The following PARD3 variants were observed in gnomAD, a reference collection of about 807,000 sequenced individuals.
PARD3 encodes the protein par-3 family cell polarity regulator, also known as partitioning defective 3 homolog.
A neutral mutation model predicts 155.4 loss-of-function variants in PARD3; 75 were observed. The observed-to-expected ratio is 0.48, with a 90% CI of 0.40 to 0.58. The LOEUF (loss-of-function observed/expected upper bound fraction) is 0.58, where lower values mean the gene tolerates loss of function less well. PARD3 is among the 20% of genes least tolerant of loss of function. PARD3 has a pLI of 0.00. For missense variants in PARD3, 1,642 were observed against 1,721.7 expected (o/e 0.95, Z 0.82); for synonymous variants, 576 against 610.5 (o/e 0.94, Z 0.83).
rs147539486 is a variant in PARD3 at position 34,202,407 on chromosome 10, C to T, written c.3419+67250G>A. On this transcript the variant is annotated intron_variant, in intron 22 of 24. Coordinates refer to ENST00000374788, the MANE Select transcript of PARD3 (RefSeq NM_001184785.2). Reference sequence around the variant, plus strand: ...TAAAGACTTCTGAACATATTCATTACGTATACTTTCAACTTTTTACAGATA... The same window carrying T: ...TAAAGACTTCTGAACATATTCATTATGTATACTTTCAACTTTTTACAGATA... Among the ~76,000 whole-genome samples the T allele has an allele frequency of 7.7e-3, 1,167 of 152,254 alleles. 27 individuals are homozygous for T. Among genetic ancestry groups the T allele is most frequent in the African/African-American group, 0.027 (1,123 of 41,522 alleles).
Position 34,122,102 on chromosome 10 carries a change from C to A in PARD3, c.3541-2362G>T, listed in dbSNP as rs78823479. On this transcript the variant is annotated intron_variant, in intron 23 of 24. Coordinates refer to ENST00000374788, the MANE Select transcript of PARD3 (RefSeq NM_001184785.2). ...AAACACTACACCATTTCCTTTACACCCTCAAAAGAACCACATTTTCCTTTC... is the reference window on the plus strand; with the variant it reads ...AAACACTACACCATTTCCTTTACACACTCAAAAGAACCACATTTTCCTTTC... 1.5e-3 allele frequency among the ~76,000 whole-genome samples: 232 copies of A among 152,254 alleles called. 8 individuals are homozygous for A. The East Asian group carries it at 0.039, about 26-fold the overall frequency.
intron 20 of PARD3, 56 bp from the exon 21 acceptor site, chr10:34,284,301 G>C: frequency 9.5e-7 from 1 of 1,057,260 alleles, no homozygotes; most frequent in East Asian, 2.4e-5. Flanking sequence ...GCTTTCTTTT[G>C]TTTGTGGTAA....
At chr10:34,644,412 C>T (rs1287124894) in intron 2 of PARD3, among the ~76,000 whole-genome samples, 10 of 152,266 alleles carry the variant, frequency 6.6e-5, no homozygotes, top group Admixed American at 5.9e-4. Flanking sequence ...CTCTGAAATG[C>T]TATGACATTA....
intron 2 of PARD3, among the ~76,000 whole-genome samples, chr10:34,682,562 T>C (rs923043062): frequency 2.6e-5 from 4 of 152,138 alleles, no homozygotes; most frequent in African/African-American, 9.7e-5. Context: ...CTCGCTTGTT[T>C]TTAAATCCTC....
chr10:34,308,393 C>T (rs567740128), intron 20 of PARD3, among the ~76,000 whole-genome samples: 9 of 152,128 alleles, frequency 5.9e-5, no homozygotes, highest in African/African-American at 1.7e-4. Flanking sequence ...ACAGTAACAG[C>T]GGCACTGGGG....
chr10:34,776,751 G>A (rs749463708), intron 1 of PARD3, among the ~76,000 whole-genome samples: 9 of 147,376 alleles, frequency 6.1e-5, no homozygotes, highest in Non-Finnish European at 1.3e-4. Flanking sequence ...CCTCCCATCC[G>A]AATTCCACCA....
chr10:34,716,736 G>A (rs1284841122), intron 1 of PARD3, among the ~76,000 whole-genome samples: 1 of 151,836 alleles, frequency 6.6e-6, no homozygotes, highest in African/African-American at 2.4e-5. Flanking sequence ...GGGATTACAG[G>A]CATGCGCCAC....
intron 22 of PARD3, among the ~76,000 whole-genome samples, chr10:34,159,317 G>A (rs1222981472): frequency 6.6e-6 from 1 of 152,184 alleles, no homozygotes. Context: ...ATGAGTTGGT[G>A]TAAGTAGGGA....
intron 2 of PARD3, among the ~76,000 whole-genome samples, chr10:34,522,154 C>T (rs2082185907): frequency 6.6e-6 from 1 of 152,150 alleles, no homozygotes; most frequent in South Asian, 2.1e-4. Flanking sequence ...AGAGCCCCAT[C>T]TAATTACATA....
At chr10:34,677,535 A>G (rs898836907) in intron 2 of PARD3, among the ~76,000 whole-genome samples, 2 of 152,058 alleles carry the variant, frequency 1.3e-5, no homozygotes, top group African/African-American at 2.4e-5. Context: ...ACATATGAGG[A>G]CCAAAATAAG....
At chr10:34,219,631 G>T (rs527276447) in intron 22 of PARD3, among the ~76,000 whole-genome samples, 99 of 152,250 alleles carry the variant, frequency 6.5e-4, no homozygotes, top group Admixed American at 2.2e-3. Flanking sequence ...TAGTTTGCAG[G>T]TGTTTCGAAG....
chr10:34,811,921 C>T (rs971532775), intron 1 of PARD3, among the ~76,000 whole-genome samples: 1 of 152,230 alleles, frequency 6.6e-6, no homozygotes, highest in African/African-American at 2.4e-5. Flanking sequence ...TAGCACCGCA[C>T]TGTCCTCAGC....
chr10:34,609,811 C>T (rs2090751229), intron 2 of PARD3, among the ~76,000 whole-genome samples: 1 of 152,174 alleles, frequency 6.6e-6, no homozygotes, highest in Admixed American at 6.5e-5. Context: ...AAAGTGCGCC[C>T]AGCCTCTTAC....
At chr10:34,707,224 G>A (rs2133592080) in intron 1 of PARD3, among the ~76,000 whole-genome samples, 1 of 150,270 alleles carries the variant, frequency 6.7e-6, no homozygotes, top group African/African-American at 2.5e-5. Flanking sequence ...CAGTCTGGGT[G>A]ACAGAGTGAG....
chr10:34,724,747 AG>A (rs2094670129), intron 1 of PARD3, among the ~76,000 whole-genome samples: 1 of 152,272 alleles, frequency 6.6e-6, no homozygotes, highest in Non-Finnish European at 1.5e-5. Context: ...CTCTGGGGAT[AG>A]GTCAAGTCAG....
At chr10:34,737,189 A>G (rs757034968) in intron 1 of PARD3, among the ~76,000 whole-genome samples, 5 of 152,138 alleles carry the variant, frequency 3.3e-5, no homozygotes, top group African/African-American at 4.8e-5. Context: ...CGGGGTGTTT[A>G]TTTAGGTGGT....
chr10:34,417,288 T>C (rs1306723664), intron 5 of PARD3, among the ~76,000 whole-genome samples: 4 of 152,146 alleles, frequency 2.6e-5, no homozygotes, highest in Non-Finnish European at 5.9e-5. Context: ...GAAGAATCCA[T>C]CAGGCAATTA....
chr10:34,345,562 T>C (rs1393379519), intron 15 of PARD3: 2 of 985,312 alleles, frequency 2.0e-6, no homozygotes, highest in East Asian at 1.1e-4. Context: ...GAGGAATATC[T>C]ATGCGCCTAG....
chr10:34,657,869 A>G (rs112815548), intron 2 of PARD3, among the ~76,000 whole-genome samples: 3,214 of 150,480 alleles, frequency 0.021, 117 homozygotes, highest in African/African-American at 0.074. Context: ...ATCAACAGCC[A>G]GGCGCGGTGG....
Sources: gnomAD v4.1 joint callset for allele counts (sites outside exome capture counted in the v4.1 genomes callset) on GRCh38, gnomAD v4.1.1 for gene constraint, MANE v1.5 for transcripts, NCBI Gene and HGNC (gene_info 2026-07-23, HGNC 2026-07-21) for gene names.